The following SPTLC2 variants were observed in gnomAD, a reference collection of about 807,000 sequenced individuals.
SPTLC2 encodes the protein serine palmitoyltransferase long chain base subunit 2, also known as serine palmitoyltransferase 2.
SPTLC2 carries 21 observed loss-of-function variants against 62.0 expected under a neutral mutation model. That is an observed-to-expected ratio of 0.34 (90% confidence interval 0.24 to 0.49). The LOEUF (loss-of-function observed/expected upper bound fraction) is 0.49, where lower values mean the gene tolerates loss of function less well. Ranked by LOEUF, SPTLC2 falls within the 20% of genes least tolerant of loss-of-function variation. The probability of loss-of-function intolerance (pLI) is 0.99; values close to 1 mark genes in which losing one functional copy is unlikely to be tolerated. For synonymous variants in SPTLC2, 261 were observed against 261.8 expected (o/e 1.00, Z 0.03); for missense variants, 511 against 713.0 (o/e 0.72, Z 3.23).
chr14:77,564,870 C>T (rs903578267), intron 5 of SPTLC2, among the ~76,000 whole-genome samples: 1 of 151,958 alleles, frequency 6.6e-6, no homozygotes, highest in African/African-American at 2.4e-5. Flanking sequence ...AAGGGAGAAG[C>T]AAGAACTCTT....
intron 1 of SPTLC2, among the ~76,000 whole-genome samples, chr14:77,616,098 G>A (rs1830082367): frequency 6.6e-6 from 1 of 152,208 alleles, no homozygotes; most frequent in South Asian, 2.1e-4. Flanking sequence ...GGACCCTCCG[G>A]AGCCCTTGGG....
intron 9 of SPTLC2, among the ~76,000 whole-genome samples, chr14:77,542,309 T>C (rs978470815): frequency 6.6e-6 from 1 of 152,128 alleles, no homozygotes; most frequent in African/African-American, 2.4e-5. Flanking sequence ...AAAGAAATAT[T>C]AGCTAACAGG....
intron 1 of SPTLC2, among the ~76,000 whole-genome samples, chr14:77,608,626 T>G (rs1224922872): frequency 6.6e-6 from 1 of 152,112 alleles, no homozygotes; most frequent in African/African-American, 2.4e-5. Context: ...CAGATCACAC[T>G]GCTACAATCA....
intron 11 of SPTLC2, among the ~76,000 whole-genome samples, chr14:77,513,527 G>A (rs557604341): frequency 1.3e-5 from 2 of 152,302 alleles, no homozygotes; most frequent in East Asian, 3.9e-4. Flanking sequence ...ATTTAAGTCT[G>A]AAATTAAGCT....
chr14:77,537,566 C>A (rs191708918), intron 9 of SPTLC2, among the ~76,000 whole-genome samples: 121 of 152,170 alleles, frequency 8.0e-4, no homozygotes, highest in African/African-American at 2.7e-3. Flanking sequence ...ATTTAAATTA[C>A]AAAGCAAAAT....
intron 9 of SPTLC2, among the ~76,000 whole-genome samples, chr14:77,539,796 G>A (rs1040909088): frequency 1.3e-5 from 2 of 152,150 alleles, no homozygotes; most frequent in Non-Finnish European, 1.5e-5. Flanking sequence ...AGCCGCTTAA[G>A]AGGCTTTTGA....
intron 9 of SPTLC2, among the ~76,000 whole-genome samples, chr14:77,525,685 C>T (rs1327829690): frequency 1.3e-5 from 2 of 152,036 alleles, no homozygotes; most frequent in East Asian, 1.9e-4. Context: ...CTGAAGCGGG[C>T]GGATCACAAG....
intron 6 of SPTLC2, among the ~76,000 whole-genome samples, chr14:77,558,337 G>T (rs551448693): frequency 6.6e-6 from 1 of 151,728 alleles, no homozygotes; most frequent in South Asian, 2.1e-4. Context: ...TGAGCACCAC[G>T]CCTGGCCCTA....
chr14:77,518,183 C>T lies in SPTLC2; in HGVS notation c.1440-16G>A, dbSNP rs749175781. The T allele has an allele frequency of 1.1e-5, 18 of 1,613,958 alleles. No individual in the cohort carries two copies. The South Asian group carries it at 1.8e-4, about 16-fold the overall frequency. ...TCCAAAGGCGCTGCAAAGGGGAAAACAAGAACAGAAACCAGGAGGAGTGAA... is the reference window on the plus strand; with the variant it reads ...TCCAAAGGCGCTGCAAAGGGGAAAATAAGAACAGAAACCAGGAGGAGTGAA... On this transcript the variant is annotated splice_polypyrimidine_tract_variant and intron_variant, in intron 10 of 11. Coordinates refer to ENST00000216484, the MANE Select transcript of SPTLC2 (RefSeq NM_004863.4).
At chr14:77,587,100 C>T (rs774563621) in intron 2 of SPTLC2, among the ~76,000 whole-genome samples, 3 of 151,970 alleles carry the variant, frequency 2.0e-5, no homozygotes, top group Non-Finnish European at 2.9e-5. Flanking sequence ...TGGTAGCGGG[C>T]GCCTGTAGTC....
intron 7 of SPTLC2, among the ~76,000 whole-genome samples, chr14:77,556,838 T>G (rs1344682880): frequency 6.6e-6 from 1 of 152,196 alleles, no homozygotes; most frequent in Non-Finnish European, 1.5e-5. Flanking sequence ...TTGGTGACCA[T>G]GTAGTATTAT....
At chr14:77,525,128 C>T (rs764336792) in intron 9 of SPTLC2, among the ~76,000 whole-genome samples, 36 of 148,818 alleles carry the variant, frequency 2.4e-4, no homozygotes, top group Non-Finnish European at 1.8e-4. Flanking sequence ...TATTATGTAT[C>T]AATTTTTAAA....
chr14:77,523,938 G>A (rs1328681651), intron 9 of SPTLC2, among the ~76,000 whole-genome samples: 1 of 152,064 alleles, frequency 6.6e-6, no homozygotes, highest in Admixed American at 6.6e-5. Context: ...CAAAGAAACA[G>A]GAAAATATGA....
At chr14:77,536,925 C>A (rs56138064) in intron 9 of SPTLC2, among the ~76,000 whole-genome samples, 25,134 of 150,072 alleles carry the variant, frequency 0.17, 2,390 homozygotes, top group African/African-American at 0.26. Context: ...TCCCCCACCC[C>A]CCCACTTCTT....
intron 2 of SPTLC2, among the ~76,000 whole-genome samples, chr14:77,586,277 T>C (rs916917978): frequency 6.6e-6 from 1 of 152,120 alleles, no homozygotes; most frequent in East Asian, 1.9e-4. Context: ...GGTTTCACCA[T>C]GTTGACCAGG....
chr14:77,601,374 T>G (rs2079876406), intron 1 of SPTLC2, among the ~76,000 whole-genome samples: 1 of 152,194 alleles, frequency 6.6e-6, no homozygotes, highest in Admixed American at 6.5e-5. Context: ...GACAATGTAC[T>G]TTGTGAGATC....
chr14:77,580,569 A>C (rs2079744204), intron 2 of SPTLC2, among the ~76,000 whole-genome samples: 1 of 151,414 alleles, frequency 6.6e-6, no homozygotes, highest in Admixed American at 6.6e-5. Flanking sequence ...AAAAAAAAAA[A>C]AAAAGAGGCC....
intron 1 of SPTLC2, among the ~76,000 whole-genome samples, chr14:77,602,226 C>A (rs773711886): frequency 1.5e-4 from 23 of 152,214 alleles, no homozygotes; most frequent in Non-Finnish European, 3.1e-4. Context: ...CTTTCCAGAA[C>A]TCCACATTCG....
intron 9 of SPTLC2, 85 bp from the exon 10 acceptor site, chr14:77,521,666 C>A: frequency 8.1e-7 from 1 of 1,229,766 alleles, no homozygotes; most frequent in South Asian, 1.2e-5. Flanking sequence ...TATCTCCATT[C>A]TATCTAATCA....
Sources: gnomAD v4.1 joint callset for allele counts (sites outside exome capture counted in the v4.1 genomes callset) on GRCh38, gnomAD v4.1.1 for gene constraint, MANE v1.5 for transcripts, NCBI Gene and HGNC (gene_info 2026-07-23, HGNC 2026-07-21) for gene names.